Variants in RORA observed in about 807,000 individuals in gnomAD.
RORA encodes RAR related orphan receptor A, also known as nuclear receptor ROR-alpha.
A neutral mutation model predicts 69.5 loss-of-function variants in RORA; 7 were observed. That is an observed-to-expected ratio of 0.10 (90% CI 0.06 to 0.19). The LOEUF is 0.19. Among genes scored for constraint, RORA ranks in the 10% least tolerant of loss-of-function variants. The pLI, the probability that RORA is intolerant of heterozygous loss-of-function variation, is 1.00. For missense variants in RORA, 457 were observed against 663.0 expected (o/e 0.69, Z 3.41); for synonymous variants, 261 against 240.8 (o/e 1.08, Z -0.78).
chr15:60,952,140 G>A (rs57814890), intron 1 of RORA, among the ~76,000 whole-genome samples: 22,526 of 149,774 alleles, frequency 0.15, 2,111 homozygotes, highest in Non-Finnish European at 0.2. Flanking sequence ...TTCAATATAC[G>A]CAAATCAATA....
intron 1 of RORA, among the ~76,000 whole-genome samples, chr15:61,223,306 C>G (rs915033278): frequency 2.2e-5 from 2 of 92,512 alleles, no homozygotes; most frequent in African/African-American, 8.2e-5. Context: ...ACAGCGAAGA[C>G]TCTGTCTCAA....
At chr15:61,169,553 G>A (rs1469777707) in intron 1 of RORA, among the ~76,000 whole-genome samples, 1 of 151,216 alleles carries the variant, frequency 6.6e-6, no homozygotes, top group Non-Finnish European at 1.5e-5. Context: ...TCAGCAGGGA[G>A]CTAGTCCATG....
chr15:60,969,091 C>T (rs1268991418), intron 1 of RORA, among the ~76,000 whole-genome samples: 3 of 152,204 alleles, frequency 2.0e-5, no homozygotes, highest in Admixed American at 2.0e-4. Flanking sequence ...GTAGCAACTT[C>T]TTACTGTACC....
At position 60,950,007 on chromosome 15, in the gene RORA, T is replaced by C. The variant is rs997909145; in HGVS notation, c.167-271321A>G. 5.3e-5 allele frequency among the ~76,000 whole-genome samples: 8 copies of C among 151,542 alleles called. No homozygotes were observed. The South Asian group carries it at 8.4e-4, about 16-fold the overall frequency. On this transcript the variant is annotated intron_variant, in intron 1 of 10. Transcript: ENST00000335670. The stretch of plus-strand genomic sequence containing the variant: ...ATTGTCAGATTCACCAAAGTTGAAA[T>C]GAAGGAAAAAATGTTAAGGGCAGCC...
At chr15:60,701,528 C>T (rs947282089) in intron 1 of RORA, among the ~76,000 whole-genome samples, 8 of 152,204 alleles carry the variant, frequency 5.3e-5, no homozygotes, top group African/African-American at 1.9e-4. Context: ...CGTACTGCCT[C>T]TGCTCTCCCC....
chr15:60,889,071 T>C (rs963829801), intron 1 of RORA, among the ~76,000 whole-genome samples: 5 of 152,216 alleles, frequency 3.3e-5, no homozygotes, highest in Non-Finnish European at 5.9e-5. Context: ...TCCTGACCCT[T>C]CTCTGCCACC....
intron 1 of RORA, among the ~76,000 whole-genome samples, chr15:61,116,967 T>C (rs2079056636): frequency 6.6e-6 from 1 of 152,158 alleles, no homozygotes; most frequent in Non-Finnish European, 1.5e-5. Context: ...GAGGCTCTCA[T>C]CTTGCCCATT....
At chr15:60,807,251 C>A (rs925019927) in intron 1 of RORA, among the ~76,000 whole-genome samples, 2 of 152,006 alleles carry the variant, frequency 1.3e-5, no homozygotes, top group Non-Finnish European at 2.9e-5. Flanking sequence ...TATCAGTAGC[C>A]CTGCTATACA....
chr15:60,866,453 C>T (rs1025218416), intron 1 of RORA, among the ~76,000 whole-genome samples: 1 of 152,186 alleles, frequency 6.6e-6, no homozygotes, highest in African/African-American at 2.4e-5. Context: ...AGAATGAAGG[C>T]AAAATCATCA....
In RORA at chr15:60,495,044, T is replaced by C. The variant is rs1470628896; in HGVS notation, c.*2411A>G. The C allele has an allele frequency of 2.0e-5, 3 of 152,040 alleles. No individual in the cohort carries two copies. Among genetic ancestry groups the C allele is most frequent in the African/African-American group, 7.3e-5 (3 of 41,370 alleles). The allele number at this position is 152,040 out of a possible 1,614,324, so 9.4% of individuals were successfully genotyped here. ...TGGTTAAAAAGAAGTTAATATACTT[T>C]AATAAAACCATCCCCAAATTTAGTG... On this transcript the variant is annotated 3_prime_UTR_variant, in exon 11 of 11. Transcript: ENST00000335670.
chr15:60,951,537 C>T (rs776291332), intron 1 of RORA, among the ~76,000 whole-genome samples: 5,222 of 149,582 alleles, frequency 0.035, 139 homozygotes, highest in African/African-American at 0.07. Context: ...ATTGATAGAC[C>T]GCTAGCAAGA....
chr15:60,958,437 G>A (rs1893330538), intron 1 of RORA, among the ~76,000 whole-genome samples: 1 of 151,956 alleles, frequency 6.6e-6, no homozygotes, highest in East Asian at 1.9e-4. Flanking sequence ...GAGGAAAGTG[G>A]GATTTTATAA....
At chr15:60,951,871 A>C (rs921836687) in intron 1 of RORA, among the ~76,000 whole-genome samples, 1 of 151,328 alleles carries the variant, frequency 6.6e-6, no homozygotes, top group Non-Finnish European at 1.5e-5. Context: ...ACAAGGAGGA[A>C]CTGGTACCAT....
intron 1 of RORA, among the ~76,000 whole-genome samples, chr15:61,105,025 C>G (rs1416073468): frequency 7.1e-6 from 1 of 141,230 alleles, no homozygotes; most frequent in African/African-American, 2.5e-5. Flanking sequence ...ACGTGGAACT[C>G]TGAGTCCATT....
intron 3 of RORA, among the ~76,000 whole-genome samples, chr15:60,519,139 C>A (rs899254115): frequency 6.6e-6 from 1 of 152,072 alleles, no homozygotes; most frequent in African/African-American, 2.4e-5. Flanking sequence ...CAGTTTCAGG[C>A]ATCCCCATGA....
At chr15:60,732,877 CA>C (rs2071447311) in intron 1 of RORA, among the ~76,000 whole-genome samples, 1 of 151,940 alleles carries the variant, frequency 6.6e-6, no homozygotes, top group South Asian at 2.1e-4. Flanking sequence ...TATCACCCTT[CA>C]GAGATGCAGA....
chr15:60,909,266 C>A (rs1410291326), intron 1 of RORA, among the ~76,000 whole-genome samples: 1 of 152,188 alleles, frequency 6.6e-6, no homozygotes, highest in East Asian at 1.9e-4. Flanking sequence ...GATGTCTCGG[C>A]CAGCCTCAGC....
rs189454650 is a variant in RORA, at chr15:60,989,078, C to T, written c.166+239975G>A. On this transcript the variant is annotated intron_variant, in intron 1 of 10. Coordinates refer to ENST00000335670, the MANE Select transcript of RORA (RefSeq NM_134261.3). ...ATTTCTATTCAGGTGAAAGGTCCATCAGATGCAATTAGCCATTTTAAAGTG... is the reference window on the plus strand; with the variant it reads ...ATTTCTATTCAGGTGAAAGGTCCATTAGATGCAATTAGCCATTTTAAAGTG... Among the ~76,000 whole-genome samples the T allele has an allele frequency of 9.9e-4, 151 of 152,316 alleles. 3 individuals are homozygous for T. In the South Asian group the frequency reaches 0.019, roughly 19 times the overall value.
intron 1 of RORA, among the ~76,000 whole-genome samples, chr15:61,049,759 A>C (rs562383227): frequency 9.2e-5 from 14 of 152,118 alleles, no homozygotes; most frequent in Non-Finnish European, 2.1e-4. Context: ...TCCCGGGTTC[A>C]AGTGATTCTC....
Sources: gnomAD v4.1 joint callset for allele counts (sites outside exome capture counted in the v4.1 genomes callset) on GRCh38, gnomAD v4.1.1 for gene constraint, MANE v1.5 for transcripts, NCBI Gene and HGNC (gene_info 2026-07-23, HGNC 2026-07-21) for gene names.